The following MTHFS variants were observed in gnomAD, a reference collection of about 807,000 sequenced individuals.
MTHFS encodes methenyltetrahydrofolate synthetase.
Under a neutral mutation model 12.7 loss-of-function variants are expected in MTHFS, and 7 were observed. That is an observed-to-expected ratio of 0.55 (90% CI 0.31 to 1.03). The LOEUF is 1.03. MTHFS is among the 50% of genes least tolerant of loss of function. MTHFS has a pLI of 0.05. For missense variants in MTHFS, 252 were observed against 258.1 expected, an observed-to-expected ratio of 0.98 and a Z score of 0.16; for synonymous variants, 100 against 97.1, an observed-to-expected ratio of 1.03 and a Z score of -0.18.
At chr15:79,886,730 T>C (rs191400971) in intron 2 of MTHFS, among the ~76,000 whole-genome samples, 7 of 152,336 alleles carry the variant, frequency 4.6e-5, no homozygotes, top group Admixed American at 2.0e-4. Flanking sequence ...TCATCAGCTA[T>C]AGTGTGAGTC....
intron 2 of MTHFS, among the ~76,000 whole-genome samples, chr15:79,857,685 T>C (rs1347427746): frequency 6.6e-6 from 1 of 152,184 alleles, no homozygotes; most frequent in Admixed American, 6.5e-5. Flanking sequence ...TGTTATCTGC[T>C]TCAATAAGTC....
chr15:79,847,974 C>T (rs2033649018), intron 2 of MTHFS, among the ~76,000 whole-genome samples: 1 of 152,124 alleles, frequency 6.6e-6, no homozygotes, highest in Admixed American at 6.5e-5. Flanking sequence ...GTAGAACTAC[C>T]ATATGGCCCA....
intron 2 of MTHFS, among the ~76,000 whole-genome samples, chr15:79,858,031 A>AC (rs1566989172): frequency 6.6e-6 from 1 of 151,264 alleles, no homozygotes; most frequent in East Asian, 1.9e-4. Flanking sequence ...AAAAAAAAAA[A>AC]AAAACATAAT....
At chr15:79,857,414 G>C (rs1228445195) in intron 2 of MTHFS, among the ~76,000 whole-genome samples, 3 of 152,070 alleles carry the variant, frequency 2.0e-5, no homozygotes, top group Non-Finnish European at 4.4e-5. Context: ...ATGAGCACTT[G>C]AAAGTCCTGC....
At chr15:79,858,749 T>C (rs1451438646) in intron 2 of MTHFS, among the ~76,000 whole-genome samples, 1 of 152,240 alleles carries the variant, frequency 6.6e-6, no homozygotes, top group Non-Finnish European at 1.5e-5. Context: ...TTGAATACTT[T>C]GTTTTGAAAA....
intron 1 of MTHFS, among the ~76,000 whole-genome samples, chr15:79,892,991 C>A (rs929224530): frequency 6.6e-6 from 1 of 152,038 alleles, no homozygotes; most frequent in African/African-American, 2.4e-5. Flanking sequence ...GTATTCAGTG[C>A]TTTACATATT....
intron 1 of MTHFS, 34 bp downstream of exon 1, chr15:79,896,838 T>C (rs1314578181): frequency 7.8e-6 from 12 of 1,538,726 alleles, no homozygotes; most frequent in Non-Finnish European, 1.0e-5. Context: ...GGAGGGTCTG[T>C]CCGCCGCGGC....
chr15:79,865,594 G>A (rs967786874), intron 2 of MTHFS, among the ~76,000 whole-genome samples: 5 of 152,110 alleles, frequency 3.3e-5, no homozygotes, highest in Non-Finnish European at 7.4e-5. Flanking sequence ...CCCTTCTTGG[G>A]CCTCAGACAC....
At chr15:79,871,908 T>C (rs2034112643) in intron 2 of MTHFS, among the ~76,000 whole-genome samples, 1 of 151,708 alleles carries the variant, frequency 6.6e-6, no homozygotes, top group Non-Finnish European at 1.5e-5. Flanking sequence ...ATTGAAACCA[T>C]CCTGGCCAAC....
At chr15:79,870,776 C>A (rs1333764982) in intron 2 of MTHFS, among the ~76,000 whole-genome samples, 1 of 152,130 alleles carries the variant, frequency 6.6e-6, no homozygotes, top group African/African-American at 2.4e-5. Context: ...GAAAAAAATT[C>A]TTTAAAGAAT....
In MTHFS at chr15:79,844,395, G is replaced by A. The variant is rs35448589; in HGVS notation, c.*815C>T. 8,514 of 152,456 alleles carry A rather than the reference G, an allele frequency of 0.056. 372 individuals carry two copies. The highest frequency in any genetic ancestry group is 0.092 in the Non-Finnish European group (6,289 of 68,010). The allele number at this position is 152,456 out of a possible 1,614,324, so 9.4% of individuals were successfully genotyped here. A position where few individuals can be genotyped will look rare whatever the true frequency, so the allele number is the denominator to read the frequency against. On this transcript the variant is annotated 3_prime_UTR_variant, in exon 3 of 3. Transcript: ENST00000258874. ...ATCAACAAGACCTGGTGACAGGATG[G>A]ACATGGAGTGTGAGTAAGAGAGCCA...
At chr15:79,889,818 C>T (rs1343080083) in intron 1 of MTHFS, among the ~76,000 whole-genome samples, 3 of 152,180 alleles carry the variant, frequency 2.0e-5, no homozygotes, top group South Asian at 2.1e-4. Flanking sequence ...TAAAGCCCAA[C>T]GCAAGCCCTA....
intron 2 of MTHFS, among the ~76,000 whole-genome samples, chr15:79,875,497 A>T (rs958764891): frequency 6.6e-6 from 1 of 152,202 alleles, no homozygotes; most frequent in African/African-American, 2.4e-5. Context: ...ATCTTTTTAA[A>T]GACAGTGCTG....
chr15:79,885,449 C>A (rs1298241306), intron 2 of MTHFS, among the ~76,000 whole-genome samples: 1 of 152,212 alleles, frequency 6.6e-6, no homozygotes, highest in Non-Finnish European at 1.5e-5. Flanking sequence ...AGTTTTGACT[C>A]TCCAGTATCC....
chr15:79,864,139 T>C (rs2033963823), intron 2 of MTHFS, among the ~76,000 whole-genome samples: 1 of 152,184 alleles, frequency 6.6e-6, no homozygotes, highest in Non-Finnish European at 1.5e-5. Flanking sequence ...GATAATAACA[T>C]AGTCATGATG....
intron 2 of MTHFS, among the ~76,000 whole-genome samples, chr15:79,880,482 A>C (rs1402935763): frequency 6.6e-6 from 1 of 152,046 alleles, no homozygotes; most frequent in Non-Finnish European, 1.5e-5. Context: ...TTATATCTGC[A>C]TTTCTTTGCA....
chr15:79,863,734 T>C (rs1314595964), intron 2 of MTHFS, among the ~76,000 whole-genome samples: 4 of 152,212 alleles, frequency 2.6e-5, no homozygotes, highest in Non-Finnish European at 5.9e-5. Context: ...TCAGAGTTGA[T>C]AGCCGAAGCT....
At chr15:79,891,205 C>A (rs2034466479) in intron 1 of MTHFS, among the ~76,000 whole-genome samples, 1 of 152,194 alleles carries the variant, frequency 6.6e-6, no homozygotes, top group Non-Finnish European at 1.5e-5. Context: ...GCAGAATCCA[C>A]TCCTCCCTTG....
intron 1 of MTHFS, among the ~76,000 whole-genome samples, chr15:79,889,722 T>A (rs939274478): frequency 1.2e-4 from 19 of 152,182 alleles, no homozygotes; most frequent in African/African-American, 3.9e-4. Context: ...AGAGTATGCT[T>A]TATTTTACCT....
Sources: gnomAD v4.1 joint callset for allele counts (sites outside exome capture counted in the v4.1 genomes callset) on GRCh38, gnomAD v4.1.1 for gene constraint, MANE v1.5 for transcripts, NCBI Gene and HGNC (gene_info 2026-07-23, HGNC 2026-07-21) for gene names.